TMEM117: variants seen among roughly 807,000 people sequenced by gnomAD.
TMEM117 encodes the protein transmembrane protein 117.
A neutral mutation model predicts 52.4 loss-of-function variants in TMEM117; 27 were observed. The ratio of observed to expected loss-of-function variants is 0.51; its 90% CI spans 0.38 to 0.71. The LOEUF is 0.71. Among genes scored for constraint, TMEM117 ranks in the 30% least tolerant of loss-of-function variants. The probability of loss-of-function intolerance (pLI) is 0.00; values close to 1 mark genes in which losing one functional copy is unlikely to be tolerated. For synonymous variants in TMEM117, 215 were observed against 206.3 expected, an observed-to-expected ratio of 1.04 and a Z score of -0.36; for missense variants, 556 against 630.5, an observed-to-expected ratio of 0.88 and a Z score of 1.26.
At chr12:43,893,249 A>G (rs1479714140) in intron 2 of TMEM117, among the ~76,000 whole-genome samples, 2 of 152,242 alleles carry the variant, frequency 1.3e-5, no homozygotes, top group African/African-American at 4.8e-5. Context: ...TGCTGTGTCA[A>G]AAACGAACTG....
intron 4 of TMEM117, among the ~76,000 whole-genome samples, chr12:44,164,974 A>G (rs1475919610): frequency 6.6e-6 from 1 of 152,158 alleles, no homozygotes; most frequent in Admixed American, 6.5e-5. Context: ...ATATATTGTT[A>G]ACTATAGTTA....
chr12:44,119,729 A>G (rs1014860396), intron 3 of TMEM117, among the ~76,000 whole-genome samples: 2 of 152,310 alleles, frequency 1.3e-5, no homozygotes, highest in East Asian at 3.9e-4. Flanking sequence ...TAGCATCACC[A>G]GGAGGTTAAG....
chr12:43,814,983 G>A, the TMEM117 span, among the ~76,000 whole-genome samples: 2 of 152,088 alleles, frequency 1.3e-5, no homozygotes, highest in Non-Finnish European at 2.9e-5. Context: ...GACCTCAGGT[G>A]ATCCGCCCGC....
intron 5 of TMEM117, among the ~76,000 whole-genome samples, chr12:44,219,287 A>C (rs11835507): frequency 0.25 from 38,448 of 151,984 alleles, 8,472 homozygotes; most frequent in African/African-American, 0.6. Context: ...TTTCACATTA[A>C]CTCCCTATAT....
chr12:44,325,655 A>G (rs1397356238), intron 6 of TMEM117, among the ~76,000 whole-genome samples: 3 of 151,910 alleles, frequency 2.0e-5, no homozygotes, highest in Non-Finnish European at 2.9e-5. Context: ...TTCCTGTTAT[A>G]TATGTTACAC....
chr12:43,817,546 C>T, the TMEM117 span, among the ~76,000 whole-genome samples: 1 of 152,122 alleles, frequency 6.6e-6, no homozygotes, highest in African/African-American at 2.4e-5. Context: ...GCAGTGGAAA[C>T]TATTTAAATA....
chr12:43,965,366 GTA>G (rs1315556870), intron 3 of TMEM117, among the ~76,000 whole-genome samples: 2 of 152,192 alleles, frequency 1.3e-5, no homozygotes, highest in African/African-American at 4.8e-5. Context: ...TCATGTGATT[GTA>G]TATCTCTATG....
chr12:44,242,375 T>G (rs1337303281), intron 5 of TMEM117, among the ~76,000 whole-genome samples: 3 of 151,952 alleles, frequency 2.0e-5, no homozygotes, highest in Admixed American at 6.6e-5. Flanking sequence ...CACTTGTAAG[T>G]GAGAACATGT....
intron 3 of TMEM117, among the ~76,000 whole-genome samples, chr12:44,017,758 C>G (rs1023285522): frequency 1.3e-5 from 2 of 152,012 alleles, no homozygotes; most frequent in Non-Finnish European, 2.9e-5. Flanking sequence ...TTCATGACAT[C>G]AAAGGTAATG....
Position 44,170,357 on chromosome 12 carries a change from C to T in TMEM117, c.510+26733C>T, listed in dbSNP as rs201309205. Among the ~76,000 whole-genome samples, 6 of 151,604 alleles carry T rather than the reference C, an allele frequency of 4.0e-5. No homozygotes were observed. In the East Asian group the frequency reaches 9.7e-4, roughly 25 times the overall value. Reference sequence around the variant, plus strand: ...ATACCTAATGTAAATGAGGAGTTAACGGGTGCAGCACACCAACATGGCACA... The same window carrying T: ...ATACCTAATGTAAATGAGGAGTTAATGGGTGCAGCACACCAACATGGCACA... On this transcript the variant is annotated intron_variant, in intron 4 of 7. Coordinates refer to ENST00000266534, the MANE Select transcript of TMEM117 (RefSeq NM_032256.3).
intron 3 of TMEM117, among the ~76,000 whole-genome samples, chr12:44,116,698 G>T (rs1363290463): frequency 1.3e-5 from 2 of 152,106 alleles, no homozygotes; most frequent in African/African-American, 4.8e-5. Context: ...TGCTAATTTG[G>T]TGCATGGCAG....
intron 5 of TMEM117, among the ~76,000 whole-genome samples, chr12:44,231,244 C>T (rs936762202): frequency 4.0e-5 from 6 of 151,880 alleles, no homozygotes; most frequent in East Asian, 1.9e-4. Flanking sequence ...TAAATAACCA[C>T]ACTCTGTGTT....
chr12:44,154,779 C>T (rs183783813), intron 4 of TMEM117, among the ~76,000 whole-genome samples: 1,744 of 151,242 alleles, frequency 0.012, 22 homozygotes, highest in South Asian at 0.052. Context: ...AAAAAAAACC[C>T]CTTGTTTTGA....
At chr12:44,136,236 G>A (rs1201758451) in intron 3 of TMEM117, among the ~76,000 whole-genome samples, 1 of 152,090 alleles carries the variant, frequency 6.6e-6, no homozygotes, top group Non-Finnish European at 1.5e-5. Flanking sequence ...TTAAAGCTTG[G>A]TTATCTGTAT....
At chr12:44,265,463 G>A (rs1950366729) in intron 5 of TMEM117, among the ~76,000 whole-genome samples, 1 of 152,206 alleles carries the variant, frequency 6.6e-6, no homozygotes, top group Admixed American at 6.5e-5. Flanking sequence ...ACTAAAAGCA[G>A]TAATTCCAGT....
At chr12:43,909,653 A>G (rs2137528192) in intron 2 of TMEM117, among the ~76,000 whole-genome samples, 1 of 152,264 alleles carries the variant, frequency 6.6e-6, no homozygotes, top group African/African-American at 2.4e-5. Flanking sequence ...AAAAAATGAT[A>G]AAGGAGATAT....
intron 3 of TMEM117, among the ~76,000 whole-genome samples, chr12:43,981,322 T>C (rs1470247063): frequency 6.6e-6 from 1 of 152,200 alleles, no homozygotes; most frequent in Non-Finnish European, 1.5e-5. Flanking sequence ...TTGGGGAATA[T>C]TATCACTATC....
chr12:44,089,233 A>G (rs1211210546), intron 3 of TMEM117, among the ~76,000 whole-genome samples: 4 of 152,258 alleles, frequency 2.6e-5, no homozygotes, highest in Admixed American at 2.0e-4. Flanking sequence ...AAACTCCTTG[A>G]CAATCTTTGC....
chr12:43,815,142 G>A, the TMEM117 span, among the ~76,000 whole-genome samples: 5 of 152,106 alleles, frequency 3.3e-5, no homozygotes, highest in African/African-American at 1.2e-4. Context: ...TGTAAACTGG[G>A]GACAATAATA....
Sources: allele counts gnomAD v4.1 joint callset (sites outside exome capture counted in the v4.1 genomes callset), GRCh38; gene constraint gnomAD v4.1.1; transcripts MANE v1.5; gene names NCBI Gene and HGNC (gene_info 2026-07-23, HGNC 2026-07-21).